ATP10B: variants seen among roughly 807,000 people sequenced by gnomAD.
ATP10B encodes phospholipid-transporting ATPase VB.
ATP10B carries 122 observed loss-of-function variants against 141.2 expected under a neutral mutation model. That is an observed-to-expected ratio of 0.86 (90% CI 0.75 to 1.00). The LOEUF is 1.00. ATP10B is among the 50% of genes least tolerant of loss of function. ATP10B has a pLI of 0.00. For missense variants in ATP10B, 1,876 were observed against 1,825.3 expected (o/e 1.03, Z -0.51); for synonymous variants, 685 against 692.0 (o/e 0.99, Z 0.16).
chr5:160,844,548 T>C (rs1776001436), intron 1 of ATP10B, among the ~76,000 whole-genome samples: 2 of 151,698 alleles, frequency 1.3e-5, no homozygotes, highest in African/African-American at 4.9e-5. Flanking sequence ...AATAAATACT[T>C]TGTTTTTTTT....
chr5:160,900,919 T>TTG, the ATP10B span, among the ~76,000 whole-genome samples: 1 of 149,652 alleles, frequency 6.7e-6, no homozygotes, highest in African/African-American at 2.5e-5. Flanking sequence ...TTTTTTTTTT[T>TTG]TTTTTTTTTT....
chr5:160,873,596 T>C, the ATP10B span, among the ~76,000 whole-genome samples: 31 of 152,066 alleles, frequency 2.0e-4, no homozygotes, highest in Non-Finnish European at 4.0e-4. Flanking sequence ...AGAAGACGGG[T>C]GATTTCTGCA....
Position 160,604,056 on chromosome 5 carries a change from A to C in ATP10B, c.3161-15T>G. 6.2e-7 allele frequency: 1 copy of C among 1,611,078 alleles called. No individual in the cohort carries two copies. Among genetic ancestry groups the C allele is most frequent in the Non-Finnish European group, 8.5e-7 (1 of 1,177,498 alleles). On this transcript the variant is annotated splice_polypyrimidine_tract_variant and intron_variant, in intron 19 of 25. Coordinates refer to ENST00000327245, the MANE Select transcript of ATP10B (RefSeq NM_025153.3). ...TGCTCCATCACCTGAAAGAGAGGTC[A>C]TAACGTGTCTTTATTTTTGGTCCAA...
the ATP10B span, among the ~76,000 whole-genome samples, chr5:160,876,510 G>C: frequency 2.1e-4 from 31 of 146,890 alleles, no homozygotes; most frequent in African/African-American, 7.1e-4. Flanking sequence ...TCAAAAGCTA[G>C]CAGAAGGCAA....
the ATP10B span, among the ~76,000 whole-genome samples, chr5:160,920,941 GTCT>G: frequency 6.6e-6 from 1 of 152,058 alleles, no homozygotes; most frequent in African/African-American, 2.4e-5. Flanking sequence ...TTTGGTGCTA[GTCT>G]TTTTTCTCTC....
chr5:160,571,910 AGGGAGTATAATT>A (rs1304377531), intron 24 of ATP10B, among the ~76,000 whole-genome samples: 1 of 152,116 alleles, frequency 6.6e-6, no homozygotes, highest in African/African-American at 2.4e-5. Context: ...CCAGCTGGGG[AGGGAGTATAATT>A]GGGTGTACTT....
chr5:160,916,640 A>C, the ATP10B span, among the ~76,000 whole-genome samples: 1 of 152,222 alleles, frequency 6.6e-6, no homozygotes, highest in Non-Finnish European at 1.5e-5. Context: ...GTGTTAAGGA[A>C]ATGAAAAGAG....
intron 7 of ATP10B, among the ~76,000 whole-genome samples, chr5:160,660,941 G>T (rs1761868224): frequency 1.3e-5 from 2 of 152,164 alleles, no homozygotes; most frequent in South Asian, 4.1e-4. Context: ...AATCCCAACA[G>T]TTTGGGAGGC....
intron 2 of ATP10B, among the ~76,000 whole-genome samples, chr5:160,763,830 A>G (rs1366138527): frequency 6.6e-6 from 1 of 152,194 alleles, no homozygotes; most frequent in Non-Finnish European, 1.5e-5. Context: ...CAAAAAAAGA[A>G]GAGAGAAGAT....
At chr5:160,902,305 T>A in the ATP10B span, among the ~76,000 whole-genome samples, 2 of 152,198 alleles carry the variant, frequency 1.3e-5, no homozygotes, top group African/African-American at 4.8e-5. Context: ...AGTATTCCAG[T>A]GGGCACGAGG....
rs140190014 is a variant in ATP10B at position 160,744,435 on chromosome 5, T to A, written c.-330-27401A>T. On this transcript the variant is annotated intron_variant, in intron 2 of 25. Transcript: ENST00000327245. ...TGGGGACTGTGGCTCTCTGACTGAG[T>A]TCCCAGAGCCCAGGGTTCTCTGGAG... is the stretch of plus-strand genomic sequence containing the variant. 1.3e-3 allele frequency among the ~76,000 whole-genome samples: 193 copies of A among 152,272 alleles called. 1 individual carries two copies. The East Asian group carries it at 0.033, about 26-fold the overall frequency.
rs1393546741 is a variant in ATP10B, at chr5:160,686,282, G to A, written c.276-9C>T. 1.9e-6 allele frequency: 3 copies of A among 1,560,892 alleles called. No homozygotes were observed. Among genetic ancestry groups the A allele is most frequent in the Admixed American group, 1.8e-5 (1 of 54,560 alleles). On this transcript the variant is annotated splice_polypyrimidine_tract_variant and intron_variant, in intron 5 of 25. Coordinates refer to ENST00000327245, the MANE Select transcript of ATP10B (RefSeq NM_025153.3). The stretch of plus-strand genomic sequence containing the variant: ...AATAGAGGTTAGCCCATCTGGAGGG[G>A]CAAGCGAAGTGTGAATAAACACTAT...
chr5:160,651,511 A>G (rs1442660294), intron 7 of ATP10B, among the ~76,000 whole-genome samples: 1 of 152,050 alleles, frequency 6.6e-6, no homozygotes, highest in Non-Finnish European at 1.5e-5. Flanking sequence ...CTCAAAAAAC[A>G]GAATCTATGT....
intron 3 of ATP10B, among the ~76,000 whole-genome samples, chr5:160,698,548 A>C (rs1764502908): frequency 6.6e-6 from 1 of 152,194 alleles, no homozygotes; most frequent in African/African-American, 2.4e-5. Flanking sequence ...GAGATCTTTC[A>C]CACACTGGTG....
chr5:160,647,627 G>A (rs534086310), intron 8 of ATP10B, among the ~76,000 whole-genome samples: 3 of 152,180 alleles, frequency 2.0e-5, no homozygotes, highest in Admixed American at 6.5e-5. Context: ...CTAACAATGA[G>A]GCTGTTCTCT....
chr5:160,635,168 G>T (rs1346894681), intron 11 of ATP10B, among the ~76,000 whole-genome samples: 4 of 152,208 alleles, frequency 2.6e-5, no homozygotes, highest in African/African-American at 9.7e-5. Context: ...TAGACTGATG[G>T]CTGGGTGGGA....
intron 3 of ATP10B, among the ~76,000 whole-genome samples, chr5:160,694,211 G>A (rs77358777): frequency 0.012 from 1,752 of 152,298 alleles, 24 homozygotes; most frequent in African/African-American, 0.039. Context: ...TCCTGAGAGT[G>A]GAACAGGAAA....
chr5:160,865,759 G>A, the ATP10B span, among the ~76,000 whole-genome samples: 9 of 151,926 alleles, frequency 5.9e-5, no homozygotes, highest in South Asian at 4.2e-4. Flanking sequence ...GGCAAAGGAC[G>A]TGAATAGACA....
At chr5:160,681,532 C>T (rs542846732) in intron 6 of ATP10B, among the ~76,000 whole-genome samples, 2 of 152,270 alleles carry the variant, frequency 1.3e-5, no homozygotes, top group East Asian at 1.9e-4. Context: ...CCTGCAATCC[C>T]ACCTACTTGG....
Sources: allele counts gnomAD v4.1 joint callset (sites outside exome capture counted in the v4.1 genomes callset), GRCh38; gene constraint gnomAD v4.1.1; transcripts MANE v1.5; gene names NCBI Gene and HGNC (gene_info 2026-07-23, HGNC 2026-07-21).